The following MAML2 variants were observed in gnomAD, a reference collection of about 807,000 sequenced individuals.
MAML2 encodes the protein mastermind like transcriptional coactivator 2, also known as mastermind-like protein 2.
In MAML2, 22 loss-of-function variants were observed where a neutral mutation model predicts 96.1. That is an observed-to-expected ratio of 0.23 (90% CI 0.16 to 0.33). The LOEUF is 0.33. MAML2 is among the 10% of genes least tolerant of loss of function. The pLI is 1.00. For synonymous variants in MAML2, 561 were observed against 521.3 expected (o/e 1.08, Z -1.04); for missense variants, 1,367 against 1,392.4 (o/e 0.98, Z 0.29).
At chr11:96,122,227 T>A (rs1006047418) in intron 1 of MAML2, among the ~76,000 whole-genome samples, 3 of 152,112 alleles carry the variant, frequency 2.0e-5, no homozygotes, top group Non-Finnish European at 4.4e-5. Context: ...AGCTATGCTT[T>A]GGCCTCCTGA....
intron 1 of MAML2, among the ~76,000 whole-genome samples, chr11:96,110,588 A>C (rs1860102264): frequency 6.6e-6 from 1 of 152,252 alleles, no homozygotes; most frequent in Non-Finnish European, 1.5e-5. Context: ...AAGATAAGAA[A>C]GAAGCCAGGC....
intron 1 of MAML2, among the ~76,000 whole-genome samples, chr11:96,136,106 G>A (rs1405932697): frequency 6.7e-6 from 1 of 150,014 alleles, no homozygotes; most frequent in Non-Finnish European, 1.5e-5. Flanking sequence ...TTGATCTAGA[G>A]TATGAAGAAA....
intron 1 of MAML2, among the ~76,000 whole-genome samples, chr11:96,335,654 T>A (rs185137696): frequency 4.8e-4 from 73 of 152,332 alleles, no homozygotes; most frequent in African/African-American, 1.7e-3. Context: ...AGGGGAAATG[T>A]AATACTTGTC....
chr11:96,004,121 G>A (rs1016015343), intron 2 of MAML2, among the ~76,000 whole-genome samples: 4 of 152,054 alleles, frequency 2.6e-5, no homozygotes, highest in Non-Finnish European at 5.9e-5. Flanking sequence ...AAAGCAAAAG[G>A]ATATACATTA....
chr11:96,074,132 C>T (rs1278329826), intron 2 of MAML2, among the ~76,000 whole-genome samples: 26 of 152,046 alleles, frequency 1.7e-4, no homozygotes, highest in Non-Finnish European at 1.5e-5. Context: ...AATCCATGTC[C>T]GCTTCCATAC....
In MAML2 at chr11:96,092,623, G is replaced by T. The variant is rs1406353759; in HGVS notation, c.1408C>A (p.Pro470Thr). 1.9e-6 allele frequency: 3 copies of T among 1,613,634 alleles called. No homozygotes were observed. Among genetic ancestry groups the T allele is most frequent in the Non-Finnish European group, 2.5e-6 (3 of 1,179,742 alleles). Residue 470 changes from proline (P) to threonine (T), a missense_variant, in exon 2 of 5, where the codon CCA becomes ACA. Physicochemically the swap from Pro to Thr is conservative, Grantham distance 38 (BLOSUM62 -1). Coordinates refer to ENST00000524717, the MANE Select transcript of MAML2 (RefSeq NM_032427.4). This position sits in a 1 kb window ranked among gnomAD's most constrained non-coding sequence, Gnocchi z 4.1. ...NWSALPSSAG[P>T]SPGPFGQEKI... ...TCCTGCCCAAATGGACCTGGTGATG[G>T]TCCAGCAGAAGAGGGCAAGGCTGAC...
At chr11:95,987,527 A>C (rs1857846415) in intron 3 of MAML2, among the ~76,000 whole-genome samples, 1 of 152,214 alleles carries the variant, frequency 6.6e-6, no homozygotes, top group Non-Finnish European at 1.5e-5. Context: ...ATTATAGAAA[A>C]GTCAACAAAT....
At chr11:96,196,370 C>G (rs1317730595) in intron 1 of MAML2, among the ~76,000 whole-genome samples, 1 of 152,226 alleles carries the variant, frequency 6.6e-6, no homozygotes, top group Admixed American at 6.5e-5. Flanking sequence ...AAAGTGACCA[C>G]TGTTTTGGGC....
At chr11:96,295,415 G>A (rs919652387) in intron 1 of MAML2, among the ~76,000 whole-genome samples, 15 of 152,184 alleles carry the variant, frequency 9.9e-5, no homozygotes, top group South Asian at 2.1e-4. Flanking sequence ...CTTCTTACAC[G>A]CCTAAATGAG....
chr11:96,311,753 T>C (rs1591126697), intron 1 of MAML2, among the ~76,000 whole-genome samples: 1 of 152,362 alleles, frequency 6.6e-6, no homozygotes, highest in South Asian at 2.1e-4. Flanking sequence ...CACTGAGAGT[T>C]AGGCAATCAA....
rs758902674 is a variant in MAML2 at position 96,129,576 on chromosome 11, T to G, written c.514-36059A>C. Among the ~76,000 whole-genome samples the G allele has an allele frequency of 2.0e-5, 3 of 152,132 alleles. No homozygotes were observed. In the South Asian group the frequency reaches 6.2e-4, roughly 31 times the overall value. On this transcript the variant is annotated intron_variant, in intron 1 of 4. Transcript: ENST00000524717. ...AAATCCAAATAGGGGGAGGGGTGGG[T>G]AGTGGGACACAACTATGGGTAATTT...
intron 1 of MAML2, among the ~76,000 whole-genome samples, chr11:96,327,439 A>T (rs1187801350): frequency 6.6e-6 from 1 of 151,862 alleles, no homozygotes; most frequent in Non-Finnish European, 1.5e-5. Flanking sequence ...TTATTTATTT[A>T]TTTTTTGAGA....
At chr11:96,174,542 C>T (rs34344846) in intron 1 of MAML2, among the ~76,000 whole-genome samples, 14,058 of 152,190 alleles carry the variant, frequency 0.092, 721 homozygotes, top group African/African-American at 0.1. Flanking sequence ...CGCCGCCATG[C>T]CCAGCTAATT....
chr11:96,143,469 T>C (rs1860766738), intron 1 of MAML2, among the ~76,000 whole-genome samples: 1 of 152,148 alleles, frequency 6.6e-6, no homozygotes, highest in Non-Finnish European at 1.5e-5. Flanking sequence ...TTCAAAACAA[T>C]GTCTAGTTTT....
intron 1 of MAML2, among the ~76,000 whole-genome samples, chr11:96,275,478 C>G (rs1329100690): frequency 6.6e-6 from 1 of 151,898 alleles, no homozygotes; most frequent in African/African-American, 2.4e-5. Context: ...GCCGTGTTAG[C>G]CAGGATGGTC....
chr11:96,150,509 T>C (rs1185987565), intron 1 of MAML2, among the ~76,000 whole-genome samples: 2 of 152,064 alleles, frequency 1.3e-5, no homozygotes, highest in Non-Finnish European at 2.9e-5. Flanking sequence ...TCTTGAAGCA[T>C]TGGCAACAGT....
At chr11:96,198,251 T>G (rs1036142126) in intron 1 of MAML2, among the ~76,000 whole-genome samples, 3 of 152,182 alleles carry the variant, frequency 2.0e-5, no homozygotes, top group African/African-American at 7.2e-5. Flanking sequence ...CAGAGATAGC[T>G]TATTGGACCT....
chr11:96,054,997 G>A (rs1385105921), intron 2 of MAML2, among the ~76,000 whole-genome samples: 3 of 152,122 alleles, frequency 2.0e-5, no homozygotes, highest in South Asian at 2.1e-4. Context: ...TGTTCCATAT[G>A]TTTTCTGTTC....
In MAML2 at chr11:96,004,075, G is replaced by A. The variant is rs115095774; in HGVS notation, c.2140-12352C>T. ...TCAATCCCCTTTTCTTTTCTCTTTG[G>A]TAGGCTGTATATCAAGCCTATACTT... is the stretch of plus-strand genomic sequence containing the variant. On this transcript the variant is annotated intron_variant, in intron 2 of 4. Coordinates refer to ENST00000524717, the MANE Select transcript of MAML2 (RefSeq NM_032427.4). 3.7e-3 allele frequency among the ~76,000 whole-genome samples: 562 copies of A among 152,042 alleles called. 5 individuals are homozygous for A. Among genetic ancestry groups the A allele is most frequent in the African/African-American group, 0.013 (549 of 41,486 alleles).
Sources: gnomAD v4.1 joint callset for allele counts (sites outside exome capture counted in the v4.1 genomes callset) on GRCh38, gnomAD v4.1.1 for gene constraint, Gnocchi (gnomAD v3.1) non-coding constraint, MANE v1.5 for transcripts, NCBI Gene and HGNC (gene_info 2026-07-23, HGNC 2026-07-21) for gene names.